The following PLCXD3 variants were observed in gnomAD, a reference collection of about 807,000 sequenced individuals.
PLCXD3 encodes phosphatidylinositol specific phospholipase C X domain containing 3.
In PLCXD3, 19 loss-of-function variants were observed where a neutral mutation model predicts 25.5. That is an observed-to-expected ratio of 0.75 (90% confidence interval 0.52 to 1.09). PLCXD3 has a LOEUF of 1.09. PLCXD3 is among the 50% of genes least tolerant of loss of function. The pLI is 0.00. For synonymous variants in PLCXD3, 174 were observed against 137.6 expected, an observed-to-expected ratio of 1.26 and a Z score of -1.85; for missense variants, 411 against 388.1, an observed-to-expected ratio of 1.06 and a Z score of -0.50.
At chr5:41,459,830 T>C (rs922708927) in intron 1 of PLCXD3, among the ~76,000 whole-genome samples, 5 of 151,938 alleles carry the variant, frequency 3.3e-5, no homozygotes, top group Non-Finnish European at 7.4e-5. Flanking sequence ...AACTTAAGGA[T>C]TGCTGCCATT....
At chr5:41,362,925 C>T (rs374063476) in intron 2 of PLCXD3, among the ~76,000 whole-genome samples, 9 of 152,144 alleles carry the variant, frequency 5.9e-5, no homozygotes, top group African/African-American at 1.2e-4. Flanking sequence ...CTTCCTGTTT[C>T]GGTAATAATT....
intron 1 of PLCXD3, among the ~76,000 whole-genome samples, chr5:41,446,361 GC>G (rs1470768712): frequency 1.3e-5 from 2 of 151,740 alleles, no homozygotes; most frequent in African/African-American, 2.4e-5. Flanking sequence ...TCATACCAAA[GC>G]CATTAACCAG....
intron 2 of PLCXD3, among the ~76,000 whole-genome samples, chr5:41,327,060 C>A (rs369026346): frequency 6.6e-6 from 1 of 152,072 alleles, no homozygotes; most frequent in Non-Finnish European, 1.5e-5. Context: ...ATTTAAGGAC[C>A]ATTTCACAAA....
intron 2 of PLCXD3, among the ~76,000 whole-genome samples, chr5:41,352,040 T>C (rs1224264233): frequency 6.6e-6 from 1 of 152,242 alleles, no homozygotes; most frequent in Non-Finnish European, 1.5e-5. Context: ...TTATTTACTG[T>C]AGTATTAACT....
intron 1 of PLCXD3, among the ~76,000 whole-genome samples, chr5:41,449,024 A>G (rs910709510): frequency 6.6e-6 from 1 of 152,074 alleles, no homozygotes; most frequent in African/African-American, 2.4e-5. Flanking sequence ...CTTGCCCATG[A>G]TTTTTCCAGA....
intron 1 of PLCXD3, among the ~76,000 whole-genome samples, chr5:41,437,526 G>T (rs1365947421): frequency 2.6e-5 from 4 of 152,198 alleles, no homozygotes; most frequent in Admixed American, 6.5e-5. Flanking sequence ...AAAGGAAGGA[G>T]CAATGGATCT....
intron 1 of PLCXD3, among the ~76,000 whole-genome samples, chr5:41,486,568 T>C (rs969875138): frequency 6.6e-6 from 1 of 152,124 alleles, no homozygotes; most frequent in African/African-American, 2.4e-5. Flanking sequence ...TAAGCAGAGC[T>C]GAGCCTCAAA....
At chr5:41,368,938 G>A (rs558538690) in intron 2 of PLCXD3, among the ~76,000 whole-genome samples, 34 of 152,198 alleles carry the variant, frequency 2.2e-4, no homozygotes, top group African/African-American at 2.6e-4. Context: ...TGGAAATGTC[G>A]TTGCTCATGG....
At chr5:41,477,590 TC>T (rs1748308994) in intron 1 of PLCXD3, among the ~76,000 whole-genome samples, 1 of 152,046 alleles carries the variant, frequency 6.6e-6, no homozygotes, top group Non-Finnish European at 1.5e-5. Flanking sequence ...AAGATGTCCC[TC>T]CCATGATTCT....
At position 41,486,189 on chromosome 5, in the gene PLCXD3, G is replaced by A. The variant is rs944176102; in HGVS notation, c.103+24235C>T. Among the ~76,000 whole-genome samples the A allele has an allele frequency of 2.6e-5, 4 of 152,072 alleles. 1 individual carries two copies. In the South Asian group the frequency reaches 8.3e-4, roughly 32 times the overall value. On this transcript the variant is annotated intron_variant, in intron 1 of 2. Transcript: ENST00000377801. ...CTTGGGTGAGTAGATATCATACAAT[G>A]AAGTCCAATCTGGGTGAATCTTCCC...
chr5:41,329,230 C>T (rs988573823), intron 2 of PLCXD3, among the ~76,000 whole-genome samples: 26 of 152,296 alleles, frequency 1.7e-4, no homozygotes, highest in Admixed American at 1.1e-3. Flanking sequence ...ACTAGAGTAA[C>T]GTACTTTCAT....
intron 1 of PLCXD3, among the ~76,000 whole-genome samples, chr5:41,488,563 T>C: frequency 7.0e-6 from 1 of 142,984 alleles, no homozygotes; most frequent in Admixed American, 6.8e-5. Context: ...AAAGTATTCC[T>C]ATTTCTCCAC....
chr5:41,490,438 T>A (rs1190924153), intron 1 of PLCXD3, among the ~76,000 whole-genome samples: 1 of 152,166 alleles, frequency 6.6e-6, no homozygotes, highest in South Asian at 2.1e-4. Flanking sequence ...ATCAGGATGA[T>A]GCTGGCCTCA....
At chr5:41,481,724 T>C (rs1748418740) in intron 1 of PLCXD3, among the ~76,000 whole-genome samples, 4 of 152,228 alleles carry the variant, frequency 2.6e-5, no homozygotes, top group Admixed American at 2.6e-4. Context: ...GAGCTGTGTC[T>C]GGAGCAAGGT....
At chr5:41,486,381 A>G (rs1362586399) in intron 1 of PLCXD3, among the ~76,000 whole-genome samples, 2 of 151,974 alleles carry the variant, frequency 1.3e-5, no homozygotes, top group East Asian at 3.9e-4. Flanking sequence ...ATCTCCACCA[A>G]TGGGAAGATT....
At chr5:41,403,049 A>G (rs1336405546) in intron 1 of PLCXD3, among the ~76,000 whole-genome samples, 1 of 152,020 alleles carries the variant, frequency 6.6e-6, no homozygotes, top group African/African-American at 2.4e-5. Context: ...ACTTTGTCGC[A>G]TCTGTCCTGC....
chr5:41,382,573 G>T (rs369986695), intron 1 of PLCXD3, 39 bp from the exon 2 acceptor site: 7 of 1,478,350 alleles, frequency 4.7e-6, no homozygotes, highest in Non-Finnish European at 1.8e-6. Flanking sequence ...TAATTTCCAC[G>T]TCTTTGCCCT....
chr5:41,348,191 C>T (rs546688029), intron 2 of PLCXD3, among the ~76,000 whole-genome samples: 24 of 152,224 alleles, frequency 1.6e-4, no homozygotes, highest in Admixed American at 1.4e-3. Flanking sequence ...GCTCTGGATG[C>T]TATTTTCAAA....
intron 2 of PLCXD3, among the ~76,000 whole-genome samples, chr5:41,356,136 GGCGC>G: frequency 6.6e-6 from 1 of 152,234 alleles, no homozygotes; most frequent in Middle Eastern, 3.4e-3. Flanking sequence ...CGTGGTGGCA[GGCGC>G]CTGTACTCCC....
Sources: gnomAD v4.1 joint callset for allele counts (sites outside exome capture counted in the v4.1 genomes callset) on GRCh38, gnomAD v4.1.1 for gene constraint, MANE v1.5 for transcripts, NCBI Gene and HGNC (gene_info 2026-07-23, HGNC 2026-07-21) for gene names.